The following SMTN variants were observed in gnomAD, a reference collection of about 807,000 sequenced individuals.
SMTN encodes smoothelin.
In SMTN, 58 loss-of-function variants were observed where a neutral mutation model predicts 102.0. The observed-to-expected ratio is 0.57, with a 90% CI of 0.46 to 0.71. SMTN has a LOEUF of 0.71. Ranked by LOEUF, SMTN falls within the 30% of genes least tolerant of loss-of-function variation. The pLI is 0.00. For synonymous variants in SMTN, 478 were observed against 497.9 expected (o/e 0.96, Z 0.53); for missense variants, 1,185 against 1,241.7 (o/e 0.95, Z 0.69).
Position 31,095,414 on chromosome 22 carries a change from G to A in SMTN, c.1744G>A (p.Glu582Lys), listed in dbSNP as rs1414444782. Residue 582 changes from glutamate to lysine, a missense_variant, in exon 12 of 21, where the codon GAG becomes AAG. Glu to Lys is a moderately conservative substitution (Grantham distance 56, BLOSUM62 1). Coordinates refer to ENST00000333137, the MANE Select transcript of SMTN (RefSeq NM_134269.3). The surrounding 1 kb of genome is among the most constrained non-coding windows in gnomAD (Gnocchi z 4.1). Reference protein sequence around the residue: ...PEGRSPLSAEELMTIEDEGVL... With the variant: ...PEGRSPLSAEKLMTIEDEGVL... ...AGGGCGGAGCCCTCTGAGCGCTGAGGAGCTGATGACTATTGAGGATGAAGG... is the reference window on the plus strand; with the variant it reads ...AGGGCGGAGCCCTCTGAGCGCTGAGAAGCTGATGACTATTGAGGATGAAGG... 1.2e-6 allele frequency: 2 copies of A among 1,614,248 alleles called. No individual in the cohort carries two copies. The highest frequency in any genetic ancestry group is 1.7e-6 in the Non-Finnish European group (2 of 1,180,050).
chr22:31,090,923 T>C, intron 9 of SMTN, 38 bp from the exon 10 acceptor site: 1 of 1,612,994 alleles, frequency 6.2e-7, no homozygotes, highest in East Asian at 2.2e-5. Context: ...GCAGACCCTG[T>C]CCCACCCAGT....
In SMTN at chr22:31,100,856, AC is replaced by A. The variant is rs1280098234; in HGVS notation, c.2604-25del. ...CCCTGGCCTCCTGCCCCCGTCCCCC[AC>A]CCCTTCCCGGCCCCCTACCCTCCCC... On this transcript the variant is annotated intron_variant, in intron 19 of 20. Transcript: ENST00000333137. 17 of 253,430 alleles carry A rather than the reference AC, an allele frequency of 6.7e-5. No homozygotes were observed. The East Asian group carries it at 1.6e-3, about 23-fold the overall frequency. 15.7% of individuals were successfully genotyped at this position (253,430 alleles called of 1,614,324 possible).
At chr22:31,076,061 C>T (rs1026317886) in intron 1 of SMTN, among the ~76,000 whole-genome samples, 6 of 152,148 alleles carry the variant, frequency 3.9e-5, no homozygotes, top group African/African-American at 1.4e-4. Flanking sequence ...TAGGGCAGGG[C>T]CTGGCTGGCG....
chr22:31,068,499 T>C (rs1348618095), intron 1 of SMTN, among the ~76,000 whole-genome samples: 1 of 152,126 alleles, frequency 6.6e-6, no homozygotes, highest in Non-Finnish European at 1.5e-5. Flanking sequence ...CCCTCAGCTG[T>C]CTTTTGTACC....
intron 11 of SMTN, chr22:31,094,019 C>T (rs1422342797): frequency 3.0e-6 from 2 of 658,466 alleles, no homozygotes; most frequent in Admixed American, 2.9e-5. Flanking sequence ...AAGACTAGGG[C>T]AAGAGGGTGC....
At position 31,096,753 on chromosome 22, in the gene SMTN, G is replaced by C. The variant is rs762560423; in HGVS notation, c.1882G>C (p.Glu628Gln). 7.0e-5 allele frequency: 108 copies of C among 1,553,430 alleles called. No homozygotes were observed. In the East Asian group the frequency reaches 2.4e-3, roughly 35 times the overall value. The change falls in exon 14 of 21, where the codon GAA (glutamate) becomes CAA (glutamine). Residue 628 changes from glutamate (E) to glutamine (Q), a missense_variant. Glu to Gln is a conservative substitution (Grantham distance 29). Coordinates refer to ENST00000333137, the MANE Select transcript of SMTN (RefSeq NM_134269.3). ...CCCAGACCAGCGGGACAAGGAGCGG[G>C]AACGGCGGCTGCAGGAGGCACGGGG... ...RKRDQRDKER[E>Q]RRLQEARGRP...
chr22:31,078,836 C>T (rs1332282296), upstream of SMTN, among the ~76,000 whole-genome samples: 1 of 152,066 alleles, frequency 6.6e-6, no homozygotes, highest in East Asian at 1.9e-4. Context: ...TGTGATCATG[C>T]GACTGCACTC....
chr22:31,095,658 C>A lies in SMTN; in HGVS notation c.1861+49C>A, dbSNP rs887890675. 6.6e-7 allele frequency: 1 copy of A among 1,515,296 alleles called. No individual in the cohort carries two copies. Among genetic ancestry groups the A allele is most frequent in the South Asian group, 1.2e-5 (1 of 84,628 alleles). 93.9% of individuals were successfully genotyped at this position (1,515,296 alleles called of 1,614,324 possible). On this transcript the variant is annotated intron_variant, in intron 13 of 20. Transcript: ENST00000333137. This position sits in a 1 kb window ranked among gnomAD's most constrained non-coding sequence, Gnocchi z 4.1. ...TAGATCCAGCTGCCCCATTCCCCAG[C>A]TGCTCCCCTCATACTCTGGGGTCCA... is the stretch of plus-strand genomic sequence containing the variant.
At chr22:31,071,281 G>C (rs11705369) in intron 1 of SMTN, among the ~76,000 whole-genome samples, 35,019 of 150,706 alleles carry the variant, frequency 0.23, 5,372 homozygotes, top group African/African-American at 0.44. Flanking sequence ...TTTCAGGCAT[G>C]TGTCAGCAGC....
chr22:31,095,323 G>A lies in SMTN; in HGVS notation c.1653G>A (p.Glu551=), dbSNP rs542638871. Residue 551 remains glutamate, a synonymous_variant, in exon 12 of 21, where the codon GAG becomes GAA. Coordinates refer to ENST00000333137, the MANE Select transcript of SMTN (RefSeq NM_134269.3). This position sits in a 1 kb window ranked among gnomAD's most constrained non-coding sequence, Gnocchi z 4.1. ...TGCAGATGGAAGCAGAGCCAGCAGAGCCTCTCGCTGCAGCAGTGGAAGCGG... is the reference window on the plus strand; with the variant it reads ...TGCAGATGGAAGCAGAGCCAGCAGAACCTCTCGCTGCAGCAGTGGAAGCGG... ...CSIKMEAEPA[E]PLAAAVEAAN... 3.1e-6 allele frequency: 5 copies of A among 1,614,022 alleles called. No individual in the cohort carries two copies. In the African/African-American group the frequency reaches 6.7e-5, roughly 22 times the overall value.
At position 31,098,536 on chromosome 22, in the gene SMTN, TC is replaced by T. The variant is rs535894254; in HGVS notation, c.2160-128del. ...AATGCGTGTGATGAGGACGCCTCCC[TC>T]CCTGGCAGGCGTTTGTGGCAGTGGA... On this transcript the variant is annotated intron_variant, in intron 16 of 20. Coordinates refer to ENST00000333137, the MANE Select transcript of SMTN (RefSeq NM_134269.3). The T allele has an allele frequency of 4.8e-5, 40 of 827,102 alleles. No individual in the cohort carries two copies. The African/African-American group carries it at 6.5e-4, about 14-fold the overall frequency. The allele number at this position is 827,102 out of a possible 1,614,324, so 51.2% of individuals were successfully genotyped here.
chr22:31,079,810 C>T (rs1431388209), upstream of SMTN, among the ~76,000 whole-genome samples: 3 of 152,210 alleles, frequency 2.0e-5, no homozygotes, highest in African/African-American at 7.2e-5. Flanking sequence ...GTCGCTTAGG[C>T]TGGAGTGCAG....
intron 16 of SMTN, 30 bp downstream of exon 16, chr22:31,097,368 AGAG>A: frequency 6.3e-7 from 1 of 1,597,974 alleles, no homozygotes; most frequent in Non-Finnish European, 8.6e-7. Context: ...CCCTGACCAT[AGAG>A]GAGTCAGTGC....
In SMTN at chr22:31,088,539, G is replaced by A. The variant is rs1334270124; in HGVS notation, c.227G>A (p.Arg76Gln). ...LHSQQREAEQ[R>Q]AALARLAGQL... ...TCTCAGCAGCGGGAAGCTGAGCAGC[G>A]GGCTGCCCTGGCACGGCTGGCAGGG... The change falls in exon 4 of 21, where the codon CGG becomes CAG. Residue 76 changes from arginine (R) to glutamine (Q), a missense_variant. Around this residue, in one of 2 missense-constraint regions of SMTN, gnomAD observed 1,096 missense variants for 1,112.7 expected, o/e 0.98. Coordinates refer to ENST00000333137, the MANE Select transcript of SMTN (RefSeq NM_134269.3). 11 of 1,613,626 alleles carry A rather than the reference G, an allele frequency of 6.8e-6. 1 individual carries two copies. Among genetic ancestry groups the A allele is most frequent in the South Asian group, 6.6e-5 (6 of 91,072 alleles).
At chr22:31,067,922 A>C (rs2041898812) in intron 1 of SMTN, 1 of 152,282 alleles carries the variant, frequency 6.6e-6, no homozygotes, top group Non-Finnish European at 1.5e-5. Context: ...TAATCCCAGC[A>C]CTTTGGGAGG....
chr22:31,065,206 T>C (rs1330536656), intron 1 of SMTN: 1 of 152,004 alleles, frequency 6.6e-6, no homozygotes, highest in African/African-American at 2.4e-5. Flanking sequence ...CTGGGCATGT[T>C]AACACTGATC....
rs777372819 is a variant in SMTN, at chr22:31,096,987, T to A, written c.2027-11T>A. 3.7e-6 allele frequency: 6 copies of A among 1,614,008 alleles called. No individual in the cohort carries two copies. Among genetic ancestry groups the A allele is most frequent in the Non-Finnish European group, 5.1e-6 (6 of 1,179,932 alleles). The stretch of plus-strand genomic sequence containing the variant: ...TGCCTTTCACATCCTTCTCATCCCC[T>A]GCCCCTGCAGATGATGGCACACGGA... On this transcript the variant is annotated splice_polypyrimidine_tract_variant and intron_variant, in intron 14 of 20. Coordinates refer to ENST00000333137, the MANE Select transcript of SMTN (RefSeq NM_134269.3).
Position 31,088,781 on chromosome 22 carries a change from T to C in SMTN, c.373+4T>C, listed in dbSNP as rs2042900282. On this transcript the variant is annotated splice_donor_region_variant and intron_variant, in intron 5 of 20. Coordinates refer to ENST00000333137, the MANE Select transcript of SMTN (RefSeq NM_134269.3). The stretch of plus-strand genomic sequence containing the variant: ...GTACGGGCTCAGGAGATTGAGGGTA[T>C]GTGGCCTGTCCCGGCCCCACCCCTG... 2 of 1,612,334 alleles carry C rather than the reference T, an allele frequency of 1.2e-6. No individual in the cohort carries two copies. The highest frequency in any genetic ancestry group is 1.7e-6 in the Non-Finnish European group (2 of 1,179,160).
chr22:31,088,155 G>T, intron 3 of SMTN, 42 bp downstream of exon 3: 1 of 1,553,866 alleles, frequency 6.4e-7, no homozygotes, highest in Non-Finnish European at 8.7e-7. Context: ...GAAGGTGAGT[G>T]TGAGCCCTGG....
Sources: gnomAD v4.1 joint callset for allele counts (sites outside exome capture counted in the v4.1 genomes callset) on GRCh38, gnomAD v4.1.1 for gene constraint, gnomAD v4.1.1 regional missense constraint, Gnocchi (gnomAD v3.1) non-coding constraint, MANE v1.5 for transcripts, NCBI Gene and HGNC (gene_info 2026-07-23, HGNC 2026-07-21) for gene names.